The following ANO5 variants were observed in gnomAD, a reference collection of about 807,000 sequenced individuals.
ANO5 encodes anoctamin-5.
ANO5 carries 109 observed loss-of-function variants against 121.0 expected under a neutral mutation model. That is an observed-to-expected ratio of 0.90 (90% CI 0.77 to 1.06). The LOEUF (loss-of-function observed/expected upper bound fraction) is 1.06. Among genes scored for constraint, ANO5 ranks in the 50% least tolerant of loss-of-function variants. The pLI is 0.00. For synonymous variants in ANO5, 406 were observed against 359.9 expected (o/e 1.13, Z -1.45); for missense variants, 1,064 against 1,078.5 (o/e 0.99, Z 0.19).
intron 2 of ANO5, 131 bp from the exon 3 acceptor site, chr11:22,211,133 T>A (rs923940936): frequency 5.1e-6 from 5 of 976,818 alleles, no homozygotes; most frequent in Non-Finnish European, 8.1e-6. Context: ...CAGTTTTGCA[T>A]ATGATTTAAT....
In ANO5 at chr11:22,262,317, G is replaced by A. The variant is rs747434413; in HGVS notation, c.1800+19G>A. 10 of 1,611,492 alleles carry A rather than the reference G, an allele frequency of 6.2e-6. 1 individual carries two copies. In the African/African-American group the frequency reaches 6.7e-5, roughly 11 times the overall value. On this transcript the variant is annotated intron_variant, in intron 16 of 21. Coordinates refer to ENST00000324559, the MANE Select transcript of ANO5 (RefSeq NM_213599.3). Reference sequence around the variant, plus strand: ...TGAAGAGGTAAGAATTTCCTTGAGAGTTGAGGTGTGTAGCTTCAATACCTC... The same window carrying A: ...TGAAGAGGTAAGAATTTCCTTGAGAATTGAGGTGTGTAGCTTCAATACCTC...
chr11:22,252,660 T>C (rs986702931), intron 12 of ANO5, among the ~76,000 whole-genome samples: 1 of 152,212 alleles, frequency 6.6e-6, no homozygotes, highest in Admixed American at 6.5e-5. Context: ...TCATTCGTAG[T>C]CAATGGACAT....
chr11:22,195,430 T>A (rs7129730), intron 1 of ANO5, among the ~76,000 whole-genome samples: 125,026 of 151,418 alleles, frequency 0.83, 52,121 homozygotes, highest in African/African-American at 0.93. Context: ...CTTATTTTTT[T>A]TTTTTTTTTA....
intron 7 of ANO5, among the ~76,000 whole-genome samples, chr11:22,231,851 C>T (rs576388272): frequency 2.6e-5 from 4 of 151,936 alleles, no homozygotes; most frequent in Non-Finnish European, 5.9e-5. Flanking sequence ...ACCTACATAC[C>T]TTTCTGGACA....
intron 8 of ANO5, among the ~76,000 whole-genome samples, chr11:22,236,899 T>C (rs929434923): frequency 6.6e-6 from 1 of 152,102 alleles, no homozygotes; most frequent in African/African-American, 2.4e-5. Context: ...TACAAAAACA[T>C]TGAGTTTATA....
rs368009744 is a variant in ANO5 at position 22,203,847 on chromosome 11, T to A, written c.84T>A (p.Ser28Arg). The A allele has an allele frequency of 1.1e-5, 16 of 1,470,262 alleles. No individual in the cohort carries two copies. The highest frequency in any genetic ancestry group is 1.4e-5 in the Non-Finnish European group (15 of 1,055,924). 91.1% of individuals were successfully genotyped at this position (1,470,262 alleles called of 1,614,324 possible). A position where few individuals can be genotyped will look rare whatever the true frequency, so the allele number is the denominator to read the frequency against. ...ATATAGACTACTCTTTCCAAATGAG[T>A]GAGGTAAGTTAAATATATATGCATT... ...NKHIDYSFQM[S>R]EQSLSSRETS... Residue 28 changes from serine to arginine, a missense_variant, in exon 2 of 22, where the codon AGT becomes AGA. Physicochemically the swap from Ser to Arg is moderately radical, Grantham distance 110. Transcript: ENST00000324559.
At chr11:22,216,274 A>T (rs994998716) in intron 3 of ANO5, among the ~76,000 whole-genome samples, 4 of 151,942 alleles carry the variant, frequency 2.6e-5, no homozygotes, top group Non-Finnish European at 5.9e-5. Context: ...ACTATTTTTA[A>T]AAGTGGTTGT....
At chr11:22,251,135 G>T in intron 12 of ANO5, 124 bp downstream of exon 12, 1 of 1,014,216 alleles carries the variant, frequency 9.9e-7, no homozygotes, top group Non-Finnish European at 1.5e-6. Flanking sequence ...TTGTGTCTTT[G>T]TTAGCATTAA....
intron 7 of ANO5, among the ~76,000 whole-genome samples, chr11:22,228,988 A>G (rs977931909): frequency 2.6e-5 from 4 of 151,956 alleles, no homozygotes; most frequent in Admixed American, 2.0e-4. Context: ...CCCTTTAGGC[A>G]TATACCCAGT....
intron 4 of ANO5, among the ~76,000 whole-genome samples, chr11:22,220,534 G>A (rs77344747): frequency 0.011 from 1,656 of 152,042 alleles, 42 homozygotes; most frequent in African/African-American, 0.038. Flanking sequence ...GTTGAAGGGC[G>A]AGTTGCATGA....
intron 9 of ANO5, among the ~76,000 whole-genome samples, chr11:22,243,014 T>C (rs1853482855): frequency 6.6e-6 from 1 of 152,132 alleles, no homozygotes; most frequent in Non-Finnish European, 1.5e-5. Context: ...TTTTGCCCAT[T>C]CAGTATGATG....
intron 7 of ANO5, among the ~76,000 whole-genome samples, chr11:22,230,609 T>C (rs1356540077): frequency 2.0e-5 from 3 of 152,010 alleles, no homozygotes; most frequent in Admixed American, 2.0e-4. Context: ...TGTGTGCCTA[T>C]TGAAAGCACT....
intron 18 of ANO5, 56 bp from the exon 19 acceptor site, chr11:22,272,728 G>A (rs1233211360): frequency 2.6e-6 from 4 of 1,515,670 alleles, no homozygotes; most frequent in Non-Finnish European, 3.7e-6. Context: ...TGGGCAGGGT[G>A]TTCCTGTCTT....
chr11:22,256,257 A>G (rs1853996417), intron 13 of ANO5, among the ~76,000 whole-genome samples: 1 of 152,180 alleles, frequency 6.6e-6, no homozygotes, highest in Non-Finnish European at 1.5e-5. Flanking sequence ...GTAATCTACA[A>G]TCACTGTGTT....
rs770746700 is a variant in ANO5, at chr11:22,262,921, T to G, written c.1801-25T>G. The G allele has an allele frequency of 9.7e-6, 15 of 1,544,890 alleles. 1 individual carries two copies. In the South Asian group the frequency reaches 1.6e-4, roughly 16 times the overall value. On this transcript the variant is annotated intron_variant, in intron 16 of 21. Coordinates refer to ENST00000324559, the MANE Select transcript of ANO5 (RefSeq NM_213599.3). ...TCCATCTTTGATCATTCAATTCTGT[T>G]TTCTCCCCTCTTGCTTCTGACTAGT...
intron 1 of ANO5, among the ~76,000 whole-genome samples, chr11:22,198,129 A>G (rs1851864125): frequency 6.6e-6 from 1 of 152,294 alleles, no homozygotes; most frequent in South Asian, 2.1e-4. Flanking sequence ...AAGTAAATCT[A>G]TCCTCTTGAA....
In ANO5 at chr11:22,283,197, C is replaced by A. The variant is rs1361260438; in HGVS notation, c.*3432C>A. ...GACATTATGTCTCCTGGTGTTAACA[C>A]AGGAAATGAGTGCTCCTTTTTAAAA... is the stretch of plus-strand genomic sequence containing the variant. On this transcript the variant is annotated 3_prime_UTR_variant, in exon 22 of 22. Coordinates refer to ENST00000324559, the MANE Select transcript of ANO5 (RefSeq NM_213599.3). 2.0e-5 allele frequency: 3 copies of A among 152,170 alleles called. No individual in the cohort carries two copies. Among genetic ancestry groups the A allele is most frequent in the Non-Finnish European group, 4.4e-5 (3 of 68,040 alleles). 9.4% of individuals were successfully genotyped at this position (152,170 alleles called of 1,614,324 possible). A position where few individuals can be genotyped will look rare whatever the true frequency, so the allele number is the denominator to read the frequency against.
Position 22,274,556 on chromosome 11 carries a change from T to G in ANO5, c.2236-13T>G. 1 of 1,553,678 alleles carries G rather than the reference T, an allele frequency of 6.4e-7. No homozygotes were observed. The highest frequency in any genetic ancestry group is 8.7e-7 in the Non-Finnish European group (1 of 1,152,804). On this transcript the variant is annotated splice_polypyrimidine_tract_variant and intron_variant, in intron 19 of 21. Transcript: ENST00000324559. ...CAGCTGATGATCTTCCTCTTTTTTTTTTTATTCTTCAGGCCTTTATTGTTG... is the reference window on the plus strand; with the variant it reads ...CAGCTGATGATCTTCCTCTTTTTTTGTTTATTCTTCAGGCCTTTATTGTTG...
rs751672368 is a variant in ANO5, at chr11:22,259,542, G to C, written c.1431G>C (p.Met477Ile). The C allele has an allele frequency of 6.2e-7, 1 of 1,613,958 alleles. No homozygotes were observed. The highest frequency in any genetic ancestry group is 1.7e-5 in the Admixed American group (1 of 59,996). ...TLWMSLVVTS[M>I]VAVIVYRLSV... ...AGATGTCTCTTGTCGTCACCAGTAT[G>C]GTAGCTGTAATTGTGTACCGCCTGT... The change falls in exon 15 of 22, where the codon ATG becomes ATC. Residue 477 changes from methionine to isoleucine, a missense_variant. Transcript: ENST00000324559.
Sources: allele counts gnomAD v4.1 joint callset (sites outside exome capture counted in the v4.1 genomes callset), GRCh38; gene constraint gnomAD v4.1.1; transcripts MANE v1.5; gene names NCBI Gene and HGNC (gene_info 2026-07-23, HGNC 2026-07-21).